NCOR2: variants seen among roughly 807,000 people sequenced by gnomAD.
The protein encoded by NCOR2 is nuclear receptor corepressor 2.
NCOR2 carries 81 observed loss-of-function variants against 262.9 expected under a neutral mutation model. That is an observed-to-expected ratio of 0.31 (90% CI 0.26 to 0.37). NCOR2 has a LOEUF of 0.37. Among genes scored for constraint, NCOR2 ranks in the 10% least tolerant of loss-of-function variants. The pLI, the probability that NCOR2 is intolerant of heterozygous loss-of-function variation, is 1.00. For synonymous variants in NCOR2, 1,659 were observed against 1,559.3 expected, an observed-to-expected ratio of 1.06 and a Z score of -1.51; for missense variants, 3,385 against 3,621.4, an observed-to-expected ratio of 0.93 and a Z score of 1.68.
At chr12:124,463,807 GC>G (rs2136616728) in intron 5 of NCOR2, among the ~76,000 whole-genome samples, 1 of 152,340 alleles carries the variant, frequency 6.6e-6, no homozygotes, top group South Asian at 2.1e-4. Context: ...CAGAGACTCA[GC>G]CCGGGCGGAG....
intron 12 of NCOR2, among the ~76,000 whole-genome samples, chr12:124,422,248 G>T (rs1186669721): frequency 6.6e-6 from 1 of 152,230 alleles, no homozygotes; most frequent in Non-Finnish European, 1.5e-5. Context: ...TCTCCCTGGG[G>T]TTCTCGGGAT....
chr12:124,377,950 C>T (rs2040145181), intron 18 of NCOR2, among the ~76,000 whole-genome samples: 1 of 152,026 alleles, frequency 6.6e-6, no homozygotes, highest in South Asian at 2.1e-4. Flanking sequence ...GACGTCTGGT[C>T]ACCCAAGCAT....
intron 14 of NCOR2, 114 bp downstream of exon 16, chr12:124,402,290 C>T (rs1249459290): frequency 1.3e-6 from 2 of 1,545,998 alleles, no homozygotes; most frequent in South Asian, 2.5e-5. Context: ...CTCCCCCCTG[C>T]TCACAGGCAA....
At chr12:124,499,941 GAT>G (rs2048605047), upstream of NCOR2, among the ~76,000 whole-genome samples, 8 of 152,154 alleles carry the variant, frequency 5.3e-5, no homozygotes, top group Admixed American at 5.2e-4. Flanking sequence ...TGGGCAGGTG[GAT>G]GAAAGTCAGG....
chr12:124,502,633 G>C (rs919733876), intron 1 of NCOR2, among the ~76,000 whole-genome samples: 2 of 152,116 alleles, frequency 1.3e-5, no homozygotes, highest in Non-Finnish European at 2.9e-5. Flanking sequence ...GTGAGCGAAG[G>C]CATGTGAGGT....
chr12:124,365,283 G>A (rs1423861097), intron 20 of NCOR2, among the ~76,000 whole-genome samples: 1 of 152,222 alleles, frequency 6.6e-6, no homozygotes, highest in Non-Finnish European at 1.5e-5. Flanking sequence ...TCTGTGCTGT[G>A]ACCACAGTGA....
chr12:124,502,483 G>C lies in NCOR2; in HGVS notation c.-117-7115C>G, dbSNP rs148173979. ...TTTGAAAGTGGGCAGTCAGGGGTGC[G>C]TCACCAGAGGTGCCTTTTATGCAAA... is the stretch of plus-strand genomic sequence containing the variant. On this transcript the variant is annotated intron_variant, in intron 1 of 46. Transcript: ENST00000404621. Among the ~76,000 whole-genome samples the C allele has an allele frequency of 5.7e-4, 87 of 152,296 alleles. No individual in the cohort carries two copies. The South Asian group carries it at 0.018, about 31-fold the overall frequency.
At chr12:124,496,781 CAG>C (rs1274393416), upstream of NCOR2, among the ~76,000 whole-genome samples, 1 of 145,856 alleles carries the variant, frequency 6.9e-6, no homozygotes, top group Non-Finnish European at 1.5e-5. This position sits in a 1 kb window ranked among gnomAD's most constrained non-coding sequence, Gnocchi z 4.4. Flanking sequence ...CCTGGCCAAT[CAG>C]AGTCCTGCAT....
At chr12:124,329,983 GGGACTCCCATTT>G (rs2035044229) in intron 44 of NCOR2, among the ~76,000 whole-genome samples, 1 of 152,176 alleles carries the variant, frequency 6.6e-6, no homozygotes, top group Non-Finnish European at 1.5e-5. Context: ...TGTCCTAGTT[GGGACTCCCATTT>G]GGAGGCCTCG....
chr12:124,549,688 C>G lies in NCOR2; in HGVS notation c.-164-14077G>C, dbSNP rs200617113. Reference sequence around the variant, plus strand: ...AACACCCTTCTCCAGATGGGGAAACCGAGGCCCAGAAAGAAAACAGCCCGC... The same window carrying G: ...AACACCCTTCTCCAGATGGGGAAACGGAGGCCCAGAAAGAAAACAGCCCGC... On this transcript the variant is annotated intron_variant, in intron 1 of 32. Transcript: ENST00000458234. The surrounding 1 kb of genome is among the most constrained non-coding windows in gnomAD (Gnocchi z 4.4). 6.6e-6 allele frequency among the ~76,000 whole-genome samples: 1 copy of G among 152,120 alleles called. No homozygotes were observed. The highest frequency in any genetic ancestry group is 1.5e-5 in the Non-Finnish European group (1 of 68,010).
chr12:124,477,590 G>A (rs999628989), intron 3 of NCOR2, among the ~76,000 whole-genome samples: 3 of 152,164 alleles, frequency 2.0e-5, no homozygotes, highest in Non-Finnish European at 2.9e-5. Context: ...ACAAGCCAAC[G>A]AGCTCTTCAC....
intron 28 of NCOR2, among the ~76,000 whole-genome samples, 194 bp downstream of exon 30, chr12:124,350,393 T>C (rs755909925): frequency 6.6e-6 from 1 of 152,230 alleles, no homozygotes. Context: ...TGTAAAGAAC[T>C]GGGCAGAGGT....
intron 28 of NCOR2, among the ~76,000 whole-genome samples, chr12:124,349,270 C>T (rs3782246): frequency 0.17 from 25,653 of 152,160 alleles, 2,448 homozygotes; most frequent in Admixed American, 0.26. Context: ...GCTCTCCTTC[C>T]AGGGCAGCCG....
chr12:124,427,832 G>A (rs946854656), intron 10 of NCOR2, among the ~76,000 whole-genome samples: 7 of 152,104 alleles, frequency 4.6e-5, no homozygotes, highest in Admixed American at 3.9e-4. Flanking sequence ...TTCCCATGCC[G>A]GCCATGTGCT....
At chr12:124,465,453 G>C (rs2046372211) in intron 5 of NCOR2, among the ~76,000 whole-genome samples, 1 of 152,204 alleles carries the variant, frequency 6.6e-6, no homozygotes, top group Non-Finnish European at 1.5e-5. Flanking sequence ...AGCCCCTGGA[G>C]ACACTGCTCT....
intron 22 of NCOR2, among the ~76,000 whole-genome samples, chr12:124,358,182 A>G (rs549455275): frequency 6.3e-4 from 75 of 119,426 alleles, no homozygotes; most frequent in South Asian, 5.5e-3. Context: ...GTTGAAGGAG[A>G]TAACCTGTGA....
At position 124,325,458 on chromosome 12, in the gene NCOR2, C is replaced by A; in HGVS notation, c.7489G>T (p.Glu2497Ter). The change falls in exon 47 of 47, where the codon GAG (glutamate) becomes TAG (stop). Residue 2497 changes from glutamate to a stop codon, truncating the protein, a stop_gained. Coordinates refer to ENST00000405201, the Ensembl canonical transcript of NCOR2. LOFTEE classifies it high-confidence loss of function. ...GAGCAGAGCAGTGGCTTGGGCTCCT[C>A]GTCCCAGGCGTGGTGGGGGCCAGCG... is the stretch of plus-strand genomic sequence containing the variant. 7.7e-7 allele frequency: 1 copy of A among 1,293,278 alleles called. No individual in the cohort carries two copies. Among genetic ancestry groups the A allele is most frequent in the Non-Finnish European group, 9.9e-7 (1 of 1,005,340 alleles). The allele number at this position is 1,293,278 out of a possible 1,614,324, so 80.1% of individuals were successfully genotyped here. A position where few individuals can be genotyped will look rare whatever the true frequency, so the allele number is the denominator to read the frequency against.
At chr12:124,388,159 G>A (rs1236470466) in intron 16 of NCOR2, among the ~76,000 whole-genome samples, 1 of 152,078 alleles carries the variant, frequency 6.6e-6, no homozygotes, top group African/African-American at 2.4e-5. Flanking sequence ...TCATCCAGGC[G>A]CCTGGCCAGA....
chr12:124,374,354 C>T, intron 19 of NCOR2, 59 bp downstream of exon 21: 1 of 1,561,764 alleles, frequency 6.4e-7, no homozygotes, highest in South Asian at 1.1e-5. Flanking sequence ...GGACCGGGGA[C>T]CTTGGGATGC....
Sources: gnomAD v4.1 joint callset for allele counts (sites outside exome capture counted in the v4.1 genomes callset) on GRCh38, gnomAD v4.1.1 for gene constraint, Gnocchi (gnomAD v3.1) non-coding constraint, MANE v1.5 for transcripts, NCBI Gene and HGNC (gene_info 2026-07-23, HGNC 2026-07-21) for gene names.